RSPRY1: variants seen among roughly 807,000 people sequenced by gnomAD.
The protein encoded by RSPRY1 is RING finger and SPRY domain-containing protein 1.
In RSPRY1, 23 loss-of-function variants were observed where a neutral mutation model predicts 73.1. The observed-to-expected ratio is 0.31, with a 90% CI of 0.23 to 0.45. RSPRY1 has a LOEUF of 0.45. RSPRY1 is among the 20% of genes least tolerant of loss of function. The pLI is 1.00. For synonymous variants in RSPRY1, 226 were observed against 251.4 expected (o/e 0.90, Z 0.95); for missense variants, 448 against 698.7 (o/e 0.64, Z 4.05).
At chr16:57,198,142 T>C (rs2074486542) in intron 1 of RSPRY1, among the ~76,000 whole-genome samples, 1 of 152,084 alleles carries the variant, frequency 6.6e-6, no homozygotes, top group Non-Finnish European at 1.5e-5. Flanking sequence ...TCCCAGCATT[T>C]TGGGAGGCCG....
At chr16:57,221,005 A>G (rs1464426373) in intron 9 of RSPRY1, among the ~76,000 whole-genome samples, 158 bp downstream of exon 9, 2 of 152,214 alleles carry the variant, frequency 1.3e-5, no homozygotes, top group Non-Finnish European at 2.9e-5. Context: ...CTGCTTATGA[A>G]CAGAAGGTAC....
rs1383065475 is a variant in RSPRY1 at position 57,240,339 on chromosome 16, C to A, written c.*1364C>A. ...TCCGTGTCTTTAGTCTTCCATAAATCCACACACACACACACACACAAAAAA... is the reference window on the plus strand; with the variant it reads ...TCCGTGTCTTTAGTCTTCCATAAATACACACACACACACACACACAAAAAA... On this transcript the variant is annotated 3_prime_UTR_variant, in exon 15 of 15. Coordinates refer to ENST00000394420, the MANE Select transcript of RSPRY1 (RefSeq NM_133368.3). 3.4e-5 allele frequency: 5 copies of A among 147,486 alleles called. No homozygotes were observed. Among genetic ancestry groups the A allele is most frequent in the South Asian group, 2.1e-4 (1 of 4,686 alleles). 9.1% of individuals were successfully genotyped at this position (147,486 alleles called of 1,614,324 possible).
At chr16:57,188,621 A>G (rs1485215059) in intron 1 of RSPRY1, among the ~76,000 whole-genome samples, 1 of 152,012 alleles carries the variant, frequency 6.6e-6, no homozygotes, top group Non-Finnish European at 1.5e-5. Flanking sequence ...GGTTCAAGCG[A>G]TTCTCCTGCC....
chr16:57,236,572 T>C (rs2075302552), intron 14 of RSPRY1, among the ~76,000 whole-genome samples: 1 of 152,180 alleles, frequency 6.6e-6, no homozygotes. Flanking sequence ...AAAATGGTTA[T>C]CAAAGCTACC....
At chr16:57,202,318 A>G (rs1440406120) in intron 1 of RSPRY1, among the ~76,000 whole-genome samples, 1 of 152,128 alleles carries the variant, frequency 6.6e-6, no homozygotes, top group African/African-American at 2.4e-5. Context: ...CTTGTTCTCT[A>G]TCAGTGAAAT....
chr16:57,193,820 C>T (rs769679314), intron 1 of RSPRY1, among the ~76,000 whole-genome samples: 16 of 152,106 alleles, frequency 1.1e-4, no homozygotes, highest in Non-Finnish European at 2.4e-4. Context: ...AATCCCAGCA[C>T]TTTGGGAGGC....
Position 57,230,854 on chromosome 16 carries a change from G to A in RSPRY1, c.1376+41G>A, listed in dbSNP as rs189687783. ...CAGTCAAAAATTCGAGTAGATGCAC[G>A]GAATGCCCTTTTCTCTAGGAAAAAA... On this transcript the variant is annotated intron_variant, in intron 12 of 14. Transcript: ENST00000394420. 1.3e-3 allele frequency: 1,511 copies of A among 1,129,344 alleles called. 8 individuals carry two copies. Among genetic ancestry groups the A allele is most frequent in the Non-Finnish European group, 7.0e-4 (521 of 748,114 alleles). 70.0% of individuals were successfully genotyped at this position (1,129,344 alleles called of 1,614,324 possible).
chr16:57,218,720 CTTTTTTTTTTTTTTTTTTTTTT>C (rs869295634), intron 8 of RSPRY1, among the ~76,000 whole-genome samples: 2 of 41,120 alleles, frequency 4.9e-5, no homozygotes, highest in Non-Finnish European at 7.9e-5. Context: ...GCCACATTTT[CTTTTTTTTTTTTTTTTTTTTTT>C]TTTTTTTTTT....
At chr16:57,200,951 GGGGGGGGGGGC>G (rs2074576154) in intron 1 of RSPRY1, among the ~76,000 whole-genome samples, 1 of 108,178 alleles carries the variant, frequency 9.2e-6, no homozygotes, top group Non-Finnish European at 1.9e-5. Context: ...GCTGGCCGGG[GGGGGGGGGGGC>G]TGACCCCCCC....
At chr16:57,210,552 T>C (rs2074821606) in intron 4 of RSPRY1, among the ~76,000 whole-genome samples, 1 of 151,178 alleles carries the variant, frequency 6.6e-6, no homozygotes, top group Admixed American at 6.6e-5. Context: ...AAATACCCCG[T>C]CTCTACTAAA....
At chr16:57,208,374 A>ATT (rs1241686053) in intron 3 of RSPRY1, among the ~76,000 whole-genome samples, 3 of 38,586 alleles carry the variant, frequency 7.8e-5, no homozygotes, top group Admixed American at 5.2e-4. Context: ...AGAGGAGATT[A>ATT]TTTATATATA....
chr16:57,223,657 A>G (rs1461620755), intron 10 of RSPRY1, among the ~76,000 whole-genome samples: 2 of 152,154 alleles, frequency 1.3e-5, no homozygotes, highest in Non-Finnish European at 2.9e-5. Context: ...CTGTAATCCC[A>G]GCTACTCGGG....
chr16:57,210,357 C>T lies in RSPRY1; in HGVS notation c.516+1170C>T, dbSNP rs576478021. Among the ~76,000 whole-genome samples, 13 of 152,040 alleles carry T rather than the reference C, an allele frequency of 8.6e-5. No homozygotes were observed. The East Asian group carries it at 1.9e-3, about 23-fold the overall frequency. ...GGCTTCTCAAAGTGTTGGGATTATACGTGTAAGCCACTGTGCCCAGCCTAG... is the reference window on the plus strand; with the variant it reads ...GGCTTCTCAAAGTGTTGGGATTATATGTGTAAGCCACTGTGCCCAGCCTAG... On this transcript the variant is annotated intron_variant, in intron 4 of 14. Coordinates refer to ENST00000394420, the MANE Select transcript of RSPRY1 (RefSeq NM_133368.3).
In RSPRY1 at chr16:57,204,838, G is replaced by A. The variant is rs1235160635; in HGVS notation, c.180G>A (p.Gln60=). ...SGTDDSVDTQ[Q]QQAENSAVPT... ...CAGATGACAGTGTTGACACCCAACA[G>A]CAACAGGCCGAGAACAGTGCAGTAC... Residue 60 remains glutamine, a synonymous_variant, in exon 2 of 15, where the codon CAG becomes CAA. Transcript: ENST00000394420. 3 of 1,614,192 alleles carry A rather than the reference G, an allele frequency of 1.9e-6. No homozygotes were observed. The highest frequency in any genetic ancestry group is 2.5e-6 in the Non-Finnish European group (3 of 1,180,032).
chr16:57,226,992 A>G (rs564181307), intron 10 of RSPRY1, among the ~76,000 whole-genome samples: 3 of 152,340 alleles, frequency 2.0e-5, no homozygotes, highest in African/African-American at 7.2e-5. Context: ...CAAGTAATAT[A>G]TGCTTGGGCA....
chr16:57,227,279 A>C (rs1286997169), intron 10 of RSPRY1, 63 bp from the exon 11 acceptor site: 4 of 1,093,180 alleles, frequency 3.7e-6, no homozygotes. Flanking sequence ...TAAAAGACAC[A>C]CTCTCTGTTC....
At chr16:57,219,448 T>G (rs911651837) in intron 8 of RSPRY1, among the ~76,000 whole-genome samples, 1 of 152,264 alleles carries the variant, frequency 6.6e-6, no homozygotes, top group Non-Finnish European at 1.5e-5. Context: ...TGTTTGCCAT[T>G]TGTATGTCTT....
At chr16:57,202,362 A>G (rs1940804077) in intron 1 of RSPRY1, among the ~76,000 whole-genome samples, 1 of 152,148 alleles carries the variant, frequency 6.6e-6, no homozygotes, top group Non-Finnish European at 1.5e-5. Flanking sequence ...AGCTTCTTAA[A>G]TGTTGCTTTT....
In RSPRY1 at chr16:57,204,832, C is replaced by G. The variant is rs1442365619; in HGVS notation, c.174C>G (p.Thr58=). The change falls in exon 2 of 15, where the codon ACC becomes ACG. Residue 58 remains threonine, a synonymous_variant. Transcript: ENST00000394420. The part of the protein sequence containing the change: ...DDSGTDDSVD[T]QQQQAENSAV... The stretch of plus-strand genomic sequence containing the variant: ...GTGGAACAGATGACAGTGTTGACAC[C>G]CAACAGCAACAGGCCGAGAACAGTG... 1 of 1,613,974 alleles carries G rather than the reference C, an allele frequency of 6.2e-7. No homozygotes were observed. Among genetic ancestry groups the G allele is most frequent in the Non-Finnish European group, 8.5e-7 (1 of 1,180,030 alleles).
Sources: allele counts gnomAD v4.1 joint callset (sites outside exome capture counted in the v4.1 genomes callset), GRCh38; gene constraint gnomAD v4.1.1; transcripts MANE v1.5; gene names NCBI Gene and HGNC (gene_info 2026-07-23, HGNC 2026-07-21).